FBXL5: variants seen among roughly 807,000 people sequenced by gnomAD.
FBXL5 encodes the protein F-box and leucine rich repeat protein 5, also known as F-box/LRR-repeat protein 5.
A neutral mutation model predicts 78.3 loss-of-function variants in FBXL5; 26 were observed. The ratio of observed to expected loss-of-function variants is 0.33; its 90% CI spans 0.24 to 0.46. The LOEUF (loss-of-function observed/expected upper bound fraction) is 0.46, where lower values mean the gene tolerates loss of function less well. FBXL5 is among the 20% of genes least tolerant of loss of function. FBXL5 has a pLI of 1.00. For synonymous variants in FBXL5, 295 were observed against 282.5 expected, an observed-to-expected ratio of 1.04 and a Z score of -0.45; for missense variants, 710 against 829.2, an observed-to-expected ratio of 0.86 and a Z score of 1.77.
At chr4:15,637,330 G>A (rs563084592) in intron 4 of FBXL5, among the ~76,000 whole-genome samples, 1 of 152,086 alleles carries the variant, frequency 6.6e-6, no homozygotes, top group Admixed American at 6.5e-5. Flanking sequence ...AAGTACTTAT[G>A]GATGTATAAA....
intron 3 of FBXL5, among the ~76,000 whole-genome samples, chr4:15,640,556 T>C (rs1039378940): frequency 3.3e-5 from 5 of 152,028 alleles, no homozygotes; most frequent in African/African-American, 1.2e-4. Flanking sequence ...AATTAATATT[T>C]CCTGAGTAAA....
chr4:15,655,963 C>A (rs1015123378), upstream of FBXL5, among the ~76,000 whole-genome samples: 1 of 152,158 alleles, frequency 6.6e-6, no homozygotes, highest in Non-Finnish European at 1.5e-5. Flanking sequence ...CCACAGCGGG[C>A]GCGGGGCCTG....
intron 9 of FBXL5, among the ~76,000 whole-genome samples, chr4:15,617,911 A>G (rs944301910): frequency 6.6e-6 from 1 of 152,220 alleles, no homozygotes; most frequent in African/African-American, 2.4e-5. Context: ...CCACCATGGC[A>G]CACGTTTACC....
rs1721827308 is a variant in FBXL5, at chr4:15,605,515, A to G, written c.*208T>C. 1 of 526,446 alleles carries G rather than the reference A, an allele frequency of 1.9e-6. No homozygotes were observed. Among genetic ancestry groups the G allele is most frequent in the African/African-American group, 1.9e-5 (1 of 52,176 alleles). The allele number at this position is 526,446 out of a possible 1,614,324, so 32.6% of individuals were successfully genotyped here. On this transcript the variant is annotated 3_prime_UTR_variant, in exon 11 of 11. Transcript: ENST00000341285. ...TGTTCTCACCCTTTTGAAAAGACCTAATCCCTTTCTAAACCAAAAGTATAA... is the reference window on the plus strand; with the variant it reads ...TGTTCTCACCCTTTTGAAAAGACCTGATCCCTTTCTAAACCAAAAGTATAA...
At chr4:15,647,679 TA>T (rs1033422267) in intron 1 of FBXL5, among the ~76,000 whole-genome samples, 3 of 152,216 alleles carry the variant, frequency 2.0e-5, no homozygotes, top group African/African-American at 7.2e-5. Context: ...AAAGAGACTC[TA>T]AATTACAGGT....
chr4:15,681,270 T>A (rs542448556), intron 1 of FBXL5: 1 of 152,920 alleles, frequency 6.5e-6, no homozygotes, highest in Non-Finnish European at 1.5e-5. Context: ...ACAAAGACTA[T>A]GAAAATCACC....
At chr4:15,607,163 A>G (rs745664869) in intron 10 of FBXL5, among the ~76,000 whole-genome samples, 2 of 152,194 alleles carry the variant, frequency 1.3e-5, no homozygotes, top group Non-Finnish European at 2.9e-5. Context: ...GATTAGCTTA[A>G]TGGCGGAGTA....
chr4:15,657,405 A>G (rs1464957278), upstream of FBXL5, among the ~76,000 whole-genome samples: 1 of 152,228 alleles, frequency 6.6e-6, no homozygotes, highest in Non-Finnish European at 1.5e-5. Context: ...AATGTTTAAT[A>G]TGCTATGTTG....
intron 4 of FBXL5, among the ~76,000 whole-genome samples, chr4:15,637,876 A>C (rs1714446320): frequency 1.3e-5 from 2 of 151,522 alleles, no homozygotes; most frequent in Admixed American, 1.3e-4. Flanking sequence ...ACTGAACATA[A>C]ATAATTACTG....
intron 1 of FBXL5, among the ~76,000 whole-genome samples, chr4:15,669,966 A>G (rs976535092): frequency 8.5e-5 from 13 of 152,328 alleles, no homozygotes; most frequent in Admixed American, 6.5e-4. Flanking sequence ...TTTGCAACAT[A>G]TGGAAAAGGA....
At chr4:15,623,826 G>A (rs6833704) in intron 9 of FBXL5, among the ~76,000 whole-genome samples, 51,013 of 147,146 alleles carry the variant, frequency 0.35, 8,931 homozygotes, top group African/African-American at 0.37. Flanking sequence ...TTTTACAATA[G>A]TTTTTTTTTT....
chr4:15,617,348 A>T (rs1187168886), intron 9 of FBXL5, among the ~76,000 whole-genome samples: 1 of 151,950 alleles, frequency 6.6e-6, no homozygotes, highest in African/African-American at 2.4e-5. Context: ...TCTGGACCAG[A>T]CTGGGCAACA....
At chr4:15,638,832 C>T (rs1050166157) in intron 3 of FBXL5, 138 bp from the exon 4 acceptor site, 3 of 577,116 alleles carry the variant, frequency 5.2e-6, no homozygotes, top group Non-Finnish European at 5.8e-6. Context: ...GCTGTCACCA[C>T]TGAGTTAGTT....
chr4:15,641,733 T>C (rs370417986), intron 2 of FBXL5: 25 of 393,334 alleles, frequency 6.4e-5, no homozygotes, highest in African/African-American at 5.4e-4. Flanking sequence ...ACTGTACCTG[T>C]TAACATTATC....
At chr4:15,669,016 A>G (rs1283861416) in intron 1 of FBXL5, among the ~76,000 whole-genome samples, 1 of 152,226 alleles carries the variant, frequency 6.6e-6, no homozygotes. Flanking sequence ...GCTGCATAAC[A>G]CTTGTAGAGA....
chr4:15,617,969 T>A (rs141779058), intron 9 of FBXL5, among the ~76,000 whole-genome samples: 1 of 151,776 alleles, frequency 6.6e-6, no homozygotes, highest in Non-Finnish European at 1.5e-5. Flanking sequence ...AACTTAAAAG[T>A]TGGAAGTTAA....
intron 3 of FBXL5, 115 bp downstream of exon 3, chr4:15,640,673 C>G: frequency 4.2e-6 from 2 of 480,040 alleles, no homozygotes; most frequent in Non-Finnish European, 3.7e-6. Context: ...GAACTGCGTT[C>G]TTCTCTCCAT....
intron 9 of FBXL5, among the ~76,000 whole-genome samples, chr4:15,618,778 G>T (rs1712167576): frequency 2.6e-5 from 4 of 152,140 alleles, no homozygotes; most frequent in Admixed American, 1.3e-4. Context: ...GGAGGCGGAG[G>T]TTACAGTTGA....
rs1577458101 is a variant in FBXL5, at chr4:15,636,021, C to CA, written c.766+472dup. On this transcript the variant is annotated intron_variant, in intron 5 of 10. Transcript: ENST00000341285. ...ATTCACAATTATTTTGAGCCATCAC[C>CA]AAAATGGAGCCATAATGGTATATCA... 2.0e-5 allele frequency among the ~76,000 whole-genome samples: 3 copies of CA among 151,974 alleles called. No homozygotes were observed. The South Asian group carries it at 6.2e-4, about 32-fold the overall frequency.
Sources: gnomAD v4.1 joint callset for allele counts (sites outside exome capture counted in the v4.1 genomes callset) on GRCh38, gnomAD v4.1.1 for gene constraint, MANE v1.5 for transcripts, NCBI Gene and HGNC (gene_info 2026-07-23, HGNC 2026-07-21) for gene names.